SIRT5: variants seen among roughly 807,000 people sequenced by gnomAD.
The protein encoded by SIRT5 is sirtuin 5.
A neutral mutation model predicts 40.0 loss-of-function variants in SIRT5; 26 were observed. The ratio of observed to expected loss-of-function variants is 0.65; its 90% CI spans 0.48 to 0.90. The LOEUF is 0.90. Ranked by LOEUF, SIRT5 falls within the 40% of genes least tolerant of loss-of-function variation. The pLI is 0.00. For missense variants in SIRT5, 401 were observed against 402.4 expected (o/e 1.00, Z 0.03); for synonymous variants, 146 against 149.1 (o/e 0.98, Z 0.15).
In SIRT5 at chr6:13,599,150, C is replaced by A; in HGVS notation, c.736C>A (p.Leu246Ile). The change falls in exon 8 of 10, where the codon CTA (leucine) becomes ATA (isoleucine). Residue 246 changes from leucine to isoleucine, a missense_variant. Physicochemically the swap from Leu to Ile is conservative, Grantham distance 5. Coordinates refer to ENST00000606117, the MANE Select transcript of SIRT5 (RefSeq NM_012241.5). ...AGAGCTCGCCCACTGTGATTTATGT[C>A]TAGTGGTGGGTCATGCCCTTCCCTA... ...DRELAHCDLC[L>I]VVGTSSVVYP... The A allele has an allele frequency of 6.2e-7, 1 of 1,613,780 alleles. No homozygotes were observed. Among genetic ancestry groups the A allele is most frequent in the Non-Finnish European group, 8.5e-7 (1 of 1,179,818 alleles).
intron 3 of SIRT5, among the ~76,000 whole-genome samples, chr6:13,587,206 G>A (rs1760190247): frequency 7.9e-5 from 12 of 152,210 alleles, no homozygotes. Context: ...CAGGCAGTGA[G>A]GTACAGCACT....
intron 5 of SIRT5, 98 bp from the exon 6 acceptor site, chr6:13,595,379 G>T (rs1761433424): frequency 1.2e-5 from 11 of 939,468 alleles, no homozygotes; most frequent in South Asian, 6.9e-5. Flanking sequence ...AACATGAAAT[G>T]AAGTGTGAAA....
rs1171986019 is a variant in SIRT5 at position 13,600,759 on chromosome 6, GT to G, written c.742-74del. On this transcript the variant is annotated intron_variant, in intron 8 of 9. Transcript: ENST00000606117. ...CAACCACAGACCTGCCTGAGTTTGTGTAAGGTTTTCTGAAATAATGTTCCTT... is the reference window on the plus strand; with the variant it reads ...CAACCACAGACCTGCCTGAGTTTGTGAAGGTTTTCTGAAATAATGTTCCTT... 3.1e-5 allele frequency: 38 copies of G among 1,209,786 alleles called. No homozygotes were observed. The African/African-American group carries it at 5.3e-4, about 17-fold the overall frequency. The allele number at this position is 1,209,786 out of a possible 1,614,324, so 74.9% of individuals were successfully genotyped here. A position where few individuals can be genotyped will look rare whatever the true frequency, so the allele number is the denominator to read the frequency against.
chr6:13,582,566 A>T (rs2127617133), intron 2 of SIRT5, among the ~76,000 whole-genome samples: 1 of 150,944 alleles, frequency 6.6e-6, no homozygotes, highest in Non-Finnish European at 1.5e-5. Context: ...CAGTCATGTA[A>T]CTACTACCAC....
At chr6:13,579,938 G>A (rs948618141) in intron 2 of SIRT5, among the ~76,000 whole-genome samples, 1 of 152,196 alleles carries the variant, frequency 6.6e-6, no homozygotes, top group Non-Finnish European at 1.5e-5. Context: ...TTTGTCAAAA[G>A]TTTATCATGC....
In SIRT5 at chr6:13,599,027, T is replaced by C. The variant is rs946426543; in HGVS notation, c.618-5T>C. 1 of 1,613,620 alleles carries C rather than the reference T, an allele frequency of 6.2e-7. No homozygotes were observed. On this transcript the variant is annotated splice_region_variant and splice_polypyrimidine_tract_variant and intron_variant, in intron 7 of 9. Coordinates refer to ENST00000606117, the MANE Select transcript of SIRT5 (RefSeq NM_012241.5). ...GGGGTTGGCTTAAGGATCCCATTCT[T>C]CCAGGTGTGAAGAGGCAGGCTGCGG...
Position 13,612,343 on chromosome 6 carries a change from T to TA in SIRT5, c.*478_*479insA. On this transcript the variant is annotated 3_prime_UTR_variant, in exon 10 of 10. Coordinates refer to ENST00000606117, the MANE Select transcript of SIRT5 (RefSeq NM_012241.5). ...CACGATATGGCTTTATTAGGGACTT[T>TA]TTTTTTTTTTTTTTGAGACAGAGTT... is the stretch of plus-strand genomic sequence containing the variant. 6.6e-6 allele frequency: 1 copy of TA among 150,780 alleles called. No homozygotes were observed. The highest frequency in any genetic ancestry group is 2.1e-4 in the South Asian group (1 of 4,776). The allele number at this position is 150,780 out of a possible 1,614,324, so 9.3% of individuals were successfully genotyped here. A position where few individuals can be genotyped will look rare whatever the true frequency, so the allele number is the denominator to read the frequency against.
At chr6:13,588,610 A>G in intron 4 of SIRT5, 146 bp downstream of exon 4, 2 of 1,082,572 alleles carry the variant, frequency 1.8e-6, no homozygotes, top group Non-Finnish European at 2.6e-6. Context: ...TTTTGGCATA[A>G]ACACAAAGTT....
chr6:13,596,979 A>T lies in SIRT5; in HGVS notation c.580A>T (p.Thr194Ser). 6.2e-7 allele frequency: 1 copy of T among 1,612,274 alleles called. No homozygotes were observed. Among genetic ancestry groups the T allele is most frequent in the Non-Finnish European group, 8.5e-7 (1 of 1,179,472 alleles). ...LSGKGAPEPG[T>S]QDASIPVEKL... Reference sequence around the variant, plus strand: ...TTACTTCAGTGCTCCAGAACCTGGAACTCAAGATGCCAGCATCCCAGTTGA... The same window carrying T: ...TTACTTCAGTGCTCCAGAACCTGGATCTCAAGATGCCAGCATCCCAGTTGA... Residue 194 changes from threonine (T) to serine (S), a missense_variant, in exon 7 of 10, where the codon ACT becomes TCT. Transcript: ENST00000606117.
chr6:13,587,318 G>A (rs115566799), intron 3 of SIRT5, among the ~76,000 whole-genome samples: 20 of 152,282 alleles, frequency 1.3e-4, no homozygotes, highest in African/African-American at 4.8e-4. Flanking sequence ...GGGCCACAGC[G>A]CTTACCTTAC....
chr6:13,608,471 G>A (rs150042357), intron 9 of SIRT5, among the ~76,000 whole-genome samples: 2,662 of 151,790 alleles, frequency 0.018, 72 homozygotes, highest in African/African-American at 0.059. Flanking sequence ...CTGTAATCCC[G>A]GCTACTTGGG....
Position 13,595,449 on chromosome 6 carries a change from C to T in SIRT5, c.476-28C>T, listed in dbSNP as rs374083957. Reference sequence around the variant, plus strand: ...AGGTTGCTCTTGATTATACTAAATTCTGGATTTGCTTCATATGTATTTTTC... The same window carrying T: ...AGGTTGCTCTTGATTATACTAAATTTTGGATTTGCTTCATATGTATTTTTC... On this transcript the variant is annotated intron_variant, in intron 5 of 9. Coordinates refer to ENST00000606117, the MANE Select transcript of SIRT5 (RefSeq NM_012241.5). 29 of 1,543,820 alleles carry T rather than the reference C, an allele frequency of 1.9e-5. No homozygotes were observed. The African/African-American group carries it at 3.3e-4, about 17-fold the overall frequency.
At chr6:13,601,792 TGTGCAGCCAG>T (rs1762425111) in intron 9 of SIRT5, among the ~76,000 whole-genome samples, 1 of 151,356 alleles carries the variant, frequency 6.6e-6, no homozygotes, top group Non-Finnish European at 1.5e-5. Context: ...GTGATTCCTG[TGTGCAGCCAG>T]GATAGGAACC....
intron 9 of SIRT5, among the ~76,000 whole-genome samples, chr6:13,606,532 G>A (rs1271814211): frequency 6.6e-6 from 1 of 152,128 alleles, no homozygotes; most frequent in Admixed American, 6.5e-5. Flanking sequence ...GGGCGGGTAG[G>A]GAAGCCCTCC....
At position 13,591,894 on chromosome 6, in the gene SIRT5, G is replaced by A; in HGVS notation, c.475G>A (p.Gly159Ser). ...AGTKNLLEIH[G>S]SLFKTRCTSC... The stretch of plus-strand genomic sequence containing the variant: ...CACCAAGAACCTTCTGGAGATCCAT[G>A]GTGAGAGACCCCCAGCCTCCCATTC... Residue 159 changes from glycine (G) to serine (S), a missense_variant and splice_region_variant, in exon 5 of 10, where the codon GGT becomes AGT. Transcript: ENST00000606117. 1 of 1,610,020 alleles carries A rather than the reference G, an allele frequency of 6.2e-7. No homozygotes were observed. The highest frequency in any genetic ancestry group is 1.7e-4 in the Middle Eastern group (1 of 6,048).
chr6:13,604,344 G>A (rs966014706), intron 9 of SIRT5: 8 of 728,226 alleles, frequency 1.1e-5, no homozygotes, highest in Middle Eastern at 3.6e-4. Flanking sequence ...TAATACCGGA[G>A]CTAGGCAGCT....
chr6:13,591,976 C>G, intron 5 of SIRT5, 82 bp downstream of exon 5: 1 of 1,242,862 alleles, frequency 8.0e-7, no homozygotes, highest in South Asian at 1.4e-5. Context: ...CTGGTGCCTT[C>G]CCTCCCTCCC....
rs771604651 is a variant in SIRT5, at chr6:13,591,879, CT to C, written c.462del (p.Leu155TrpfsTer92). 1.4e-5 allele frequency: 23 copies of C among 1,613,030 alleles called. No individual in the cohort carries two copies. In the African/African-American group the frequency reaches 2.8e-4, roughly 20 times the overall value. ...GCACCGCAAGGCTGGCACCAAGAAC[CT>C]TCTGGAGATCCATGGTGAGAGACCC... ...ELHRKAGTKNLLEIHGSLFKT... is the reference protein window; with the variant it reads ...ELHRKAGTKNXLEIHGSLFKT... On this transcript the variant is annotated frameshift_variant, in exon 5 of 10. Transcript: ENST00000606117. LOFTEE classifies it high-confidence loss of function.
At position 13,607,960 on chromosome 6, in the gene SIRT5, A is replaced by C. The variant is rs1763340378; in HGVS notation, c.858-3830A>C. On this transcript the variant is annotated intron_variant, in intron 9 of 9. Coordinates refer to ENST00000606117, the MANE Select transcript of SIRT5 (RefSeq NM_012241.5). This position sits in a 1 kb window ranked among gnomAD's most constrained non-coding sequence, Gnocchi z 4.0. ...TTTTTAGTAGAGACGGGTTTTCACCACATTGCCCAGGCTGGTCTCAAACTA... is the reference window on the plus strand; with the variant it reads ...TTTTTAGTAGAGACGGGTTTTCACCCCATTGCCCAGGCTGGTCTCAAACTA... Among the ~76,000 whole-genome samples the C allele has an allele frequency of 6.6e-6, 1 of 152,002 alleles. No individual in the cohort carries two copies. The highest frequency in any genetic ancestry group is 1.5e-5 in the Non-Finnish European group (1 of 68,004).
Sources: allele counts gnomAD v4.1 joint callset (sites outside exome capture counted in the v4.1 genomes callset), GRCh38; gene constraint gnomAD v4.1.1; non-coding constraint Gnocchi (gnomAD v3.1); transcripts MANE v1.5; gene names NCBI Gene and HGNC (gene_info 2026-07-23, HGNC 2026-07-21).